IPO8: variants seen among roughly 807,000 people sequenced by gnomAD.
IPO8 encodes the protein importin 8.
A neutral mutation model predicts 141.2 loss-of-function variants in IPO8; 65 were observed. The ratio of observed to expected loss-of-function variants is 0.46; its 90% CI spans 0.38 to 0.57. The LOEUF (loss-of-function observed/expected upper bound fraction) is 0.57. Ranked by LOEUF, IPO8 falls within the 20% of genes least tolerant of loss-of-function variation. IPO8 has a pLI of 0.00. For missense variants in IPO8, 980 were observed against 1,246.8 expected (o/e 0.79, Z 3.22); for synonymous variants, 411 against 420.3 (o/e 0.98, Z 0.27).
intron 17 of IPO8, among the ~76,000 whole-genome samples, chr12:30,656,327 G>A (rs926760569): frequency 1.3e-5 from 2 of 151,994 alleles, no homozygotes; most frequent in Non-Finnish European, 2.9e-5. Context: ...TGTGAGCCAC[G>A]GTGCCCAGCC....
rs1003543585 is a variant in IPO8, at chr12:30,640,074, C to T, written c.2269-339G>A. ...TTGCACATCTAAGGTGAAATCACTGCATGTCATTTTCTTTGACAAATTAAA... is the reference window on the plus strand; with the variant it reads ...TTGCACATCTAAGGTGAAATCACTGTATGTCATTTTCTTTGACAAATTAAA... On this transcript the variant is annotated intron_variant, in intron 20 of 24. Transcript: ENST00000256079. Among the ~76,000 whole-genome samples the T allele has an allele frequency of 2.0e-5, 3 of 152,080 alleles. No homozygotes were observed. The East Asian group carries it at 5.8e-4, about 29-fold the overall frequency.
intron 19 of IPO8, among the ~76,000 whole-genome samples, chr12:30,651,753 T>C (rs1172530419): frequency 6.6e-6 from 1 of 152,094 alleles, no homozygotes; most frequent in Non-Finnish European, 1.5e-5. Flanking sequence ...TTGTAGATTA[T>C]AGATTATCTT....
intron 17 of IPO8, among the ~76,000 whole-genome samples, chr12:30,655,297 C>T (rs904089036): frequency 1.3e-5 from 2 of 152,218 alleles, no homozygotes. Flanking sequence ...GCCCTGGCAA[C>T]CACTGGTCTT....
At position 30,680,537 on chromosome 12, in the gene IPO8, T is replaced by C. The variant is rs2053177843; in HGVS notation, c.584A>G (p.Tyr195Cys). The change falls in exon 5 of 25, where the codon TAT (tyrosine) becomes TGT (cysteine). Residue 195 changes from tyrosine (Y) to cysteine (C), a missense_variant. Transcript: ENST00000256079. Reference sequence around the variant, plus strand: ...TTGTTTCTGCAGTAATACAGAATAATAGGAGGAATCAGGAAGGAGCTGAAC... The same window carrying C: ...TTGTTTCTGCAGTAATACAGAATAACAGGAGGAATCAGGAAGGAGCTGAAC... ...QIVQLLPDSS[Y>C]YSVLLQKQIL... is the part of the protein sequence containing the mutation. 1 of 1,612,548 alleles carries C rather than the reference T, an allele frequency of 6.2e-7. No individual in the cohort carries two copies. The highest frequency in any genetic ancestry group is 2.2e-5 in the East Asian group (1 of 44,776).
chr12:30,658,447 A>C (rs1255791402), intron 16 of IPO8, among the ~76,000 whole-genome samples: 2 of 152,184 alleles, frequency 1.3e-5, no homozygotes, highest in Non-Finnish European at 1.5e-5. Context: ...GTCTTTAGGT[A>C]AGGATGCTAT....
intron 5 of IPO8, chr12:30,676,836 T>C: frequency 9.0e-7 from 1 of 1,112,816 alleles, no homozygotes; most frequent in Non-Finnish European, 1.3e-6. Flanking sequence ...AACAAATGAA[T>C]ACCACTGAGG....
At chr12:30,651,103 G>A (rs2052721085) in intron 19 of IPO8, among the ~76,000 whole-genome samples, 1 of 152,016 alleles carries the variant, frequency 6.6e-6, no homozygotes, top group African/African-American at 2.4e-5. Flanking sequence ...CAAATACACA[G>A]GGGAAGCTGT....
intron 20 of IPO8, among the ~76,000 whole-genome samples, chr12:30,648,373 A>C (rs1591826724): frequency 6.6e-6 from 1 of 152,232 alleles, no homozygotes; most frequent in African/African-American, 2.4e-5. Flanking sequence ...AGAATACGCA[A>C]ATCTATAGAG....
chr12:30,684,722 T>C (rs920840258), intron 2 of IPO8, among the ~76,000 whole-genome samples: 1 of 152,242 alleles, frequency 6.6e-6, no homozygotes, highest in Non-Finnish European at 1.5e-5. Context: ...AAATAATGCA[T>C]AGTAAACATA....
chr12:30,634,225 A>C lies in IPO8; in HGVS notation c.2757T>G (p.Asn919Lys). 1 of 1,613,990 alleles carries C rather than the reference A, an allele frequency of 6.2e-7. No individual in the cohort carries two copies. Among genetic ancestry groups the C allele is most frequent in the Non-Finnish European group, 8.5e-7 (1 of 1,179,908 alleles). ...CCTCCTCCTCATCTTCACCTCTTCC[A>C]TTATTTGACTGCATTGCTTGAGCAG... ...NVTAQAMQSNNGRGEDEEEED... is the reference protein window; with the variant it reads ...NVTAQAMQSNKGRGEDEEEED... Residue 919 changes from asparagine to lysine, a missense_variant, in exon 23 of 25, where the codon AAT becomes AAG. Asn to Lys is a moderately conservative substitution (Grantham distance 94, BLOSUM62 0). Around this residue, in one of 3 missense-constraint regions of IPO8, gnomAD observed 924 missense variants for 1,153.9 expected, o/e 0.80. Transcript: ENST00000256079.
chr12:30,661,180 G>A lies in IPO8; in HGVS notation c.1842C>T (p.Thr614=). Residue 614 remains threonine, a synonymous_variant, in exon 16 of 25, where the codon ACC becomes ACT. Transcript: ENST00000256079. Reference sequence around the variant, plus strand: ...CTACAACTGTTAAGATAGTATCAATGGTATGTAAAATTCCCATAGCCATTA... The same window carrying A: ...CTACAACTGTTAAGATAGTATCAATAGTATGTAAAATTCCCATAGCCATTA... ...KTVMAMGILH[T]IDTILTVVED... 1 of 1,590,856 alleles carries A rather than the reference G, an allele frequency of 6.3e-7. No homozygotes were observed. Among genetic ancestry groups the A allele is most frequent in the Non-Finnish European group, 8.6e-7 (1 of 1,167,706 alleles).
At chr12:30,687,662 G>A (rs1484033407) in intron 2 of IPO8, among the ~76,000 whole-genome samples, 2 of 151,896 alleles carry the variant, frequency 1.3e-5, no homozygotes, top group African/African-American at 2.4e-5. Flanking sequence ...TAGATTCTGA[G>A]CACAAGCCAC....
chr12:30,634,747 C>T lies in IPO8; in HGVS notation c.2696-461G>A, dbSNP rs200210314. Among the ~76,000 whole-genome samples, 61 of 152,198 alleles carry T rather than the reference C, an allele frequency of 4.0e-4. No individual in the cohort carries two copies. In the East Asian group the frequency reaches 0.01, roughly 26 times the overall value. ...AATTAACTGAGTTGATTATAAAGTG[C>T]TTAGAAATGCCCAAATGAGATCATT... is the stretch of plus-strand genomic sequence containing the variant. On this transcript the variant is annotated intron_variant, in intron 22 of 24. Coordinates refer to ENST00000256079, the MANE Select transcript of IPO8 (RefSeq NM_006390.4).
chr12:30,656,788 A>G (rs2052806935), intron 16 of IPO8, 38 bp from the exon 17 acceptor site: 2 of 962,028 alleles, frequency 2.1e-6, no homozygotes, highest in African/African-American at 3.4e-5. Context: ...TAAAATTATC[A>G]TAATTAATAC....
At chr12:30,637,237 G>T (rs773540210) in intron 21 of IPO8, 50 bp from the exon 22 acceptor site, 49 of 1,379,176 alleles carry the variant, frequency 3.6e-5, no homozygotes, top group Non-Finnish European at 4.8e-5. Flanking sequence ...GTGGAATAAA[G>T]AACAAATTCT....
chr12:30,637,542 A>C lies in IPO8; in HGVS notation c.2490-355T>G, dbSNP rs534052978. On this transcript the variant is annotated intron_variant, in intron 21 of 24. Coordinates refer to ENST00000256079, the MANE Select transcript of IPO8 (RefSeq NM_006390.4). ...CCTATACAATGGTTGGGGGGAATGA[A>C]GAGTTTCTTAGACTCTTCCAACATT... Among the ~76,000 whole-genome samples the C allele has an allele frequency of 5.9e-5, 9 of 152,306 alleles. No homozygotes were observed. The South Asian group carries it at 1.9e-3, about 32-fold the overall frequency.
chr12:30,658,663 T>A (rs182628380), intron 16 of IPO8, among the ~76,000 whole-genome samples: 1 of 152,310 alleles, frequency 6.6e-6, no homozygotes, highest in African/African-American at 2.4e-5. Flanking sequence ...TAAGGTGATT[T>A]CTAAGGTCTC....
chr12:30,669,051 G>T, intron 10 of IPO8, 132 bp downstream of exon 10: 1 of 498,910 alleles, frequency 2.0e-6, no homozygotes, highest in Non-Finnish European at 3.5e-6. Flanking sequence ...AACTCTCAAA[G>T]TTTCAGATTA....
intron 10 of IPO8, among the ~76,000 whole-genome samples, 200 bp downstream of exon 10, chr12:30,668,983 G>C (rs2053008778): frequency 6.6e-6 from 1 of 152,138 alleles, no homozygotes; most frequent in Non-Finnish European, 1.5e-5. Context: ...GAATGAGGTG[G>C]CTTTTCATCT....
Sources: gnomAD v4.1 joint callset for allele counts (sites outside exome capture counted in the v4.1 genomes callset) on GRCh38, gnomAD v4.1.1 for gene constraint, gnomAD v4.1.1 regional missense constraint, MANE v1.5 for transcripts, NCBI Gene and HGNC (gene_info 2026-07-23, HGNC 2026-07-21) for gene names.